The following CRPPA variants were observed in gnomAD, a reference collection of about 807,000 sequenced individuals.
CRPPA encodes the protein D-ribitol-5-phosphate cytidylyltransferase.
CRPPA carries 43 observed loss-of-function variants against 52.0 expected under a neutral mutation model. The observed-to-expected ratio is 0.83, with a 90% CI of 0.65 to 1.07. The LOEUF (loss-of-function observed/expected upper bound fraction) is 1.07, where lower values mean the gene tolerates loss of function less well. CRPPA is among the 50% of genes least tolerant of loss of function. The pLI is 0.00. For missense variants in CRPPA, 629 were observed against 551.7 expected, an observed-to-expected ratio of 1.14 and a Z score of -1.40; for synonymous variants, 250 against 203.5, an observed-to-expected ratio of 1.23 and a Z score of -1.94.
intron 1 of CRPPA, among the ~76,000 whole-genome samples, chr7:16,415,687 A>T (rs989023903): frequency 1.3e-5 from 2 of 152,158 alleles, no homozygotes; most frequent in African/African-American, 2.4e-5. Flanking sequence ...GGGTTCATTA[A>T]ATCTGATTAG....
At chr7:16,162,558 C>G (rs900463814) in intron 9 of CRPPA, among the ~76,000 whole-genome samples, 4 of 152,140 alleles carry the variant, frequency 2.6e-5, no homozygotes, top group Non-Finnish European at 5.9e-5. Context: ...GTTATGATTT[C>G]CATTCTTTTG....
At chr7:16,382,265 G>A (rs1787115012) in intron 2 of CRPPA, among the ~76,000 whole-genome samples, 1 of 152,150 alleles carries the variant, frequency 6.6e-6, no homozygotes, top group Admixed American at 6.5e-5. Flanking sequence ...TAGTTTAGCT[G>A]GATATGAAAT....
intron 3 of CRPPA, among the ~76,000 whole-genome samples, chr7:16,354,241 A>G (rs1215962592): frequency 1.3e-5 from 2 of 152,176 alleles, no homozygotes; most frequent in Non-Finnish European, 2.9e-5. Context: ...ATCTGTATTA[A>G]TAAAGCCATA....
chr7:16,089,274 ATATG>A lies in CRPPA; in HGVS notation c.*2417_*2420del, dbSNP rs1781766926. 2 of 365,632 alleles carry A rather than the reference ATATG, an allele frequency of 5.5e-6. No homozygotes were observed. The highest frequency in any genetic ancestry group is 1.1e-5 in the Non-Finnish European group (2 of 176,424). The allele number at this position is 365,632 out of a possible 1,614,324, so 22.6% of individuals were successfully genotyped here. A position where few individuals can be genotyped will look rare whatever the true frequency, so the allele number is the denominator to read the frequency against. On this transcript the variant is annotated 3_prime_UTR_variant, in exon 10 of 10. Coordinates refer to ENST00000407010, the MANE Select transcript of CRPPA (RefSeq NM_001101426.4). ...TGTGTGTATGCGTACGTATATACATATATGTGTGTATGCGTACGTATATACATAT... is the reference window on the plus strand; with the variant it reads ...TGTGTGTATGCGTACGTATATACATATGTGTATGCGTACGTATATACATAT...
intron 9 of CRPPA, among the ~76,000 whole-genome samples, chr7:16,183,096 T>G (rs989662532): frequency 6.6e-6 from 1 of 152,082 alleles, no homozygotes; most frequent in South Asian, 2.1e-4. Context: ...CCCAGGGAAC[T>G]GTAACTAAAT....
At chr7:16,217,167 C>T (rs1245806165) in intron 8 of CRPPA, among the ~76,000 whole-genome samples, 99 of 145,264 alleles carry the variant, frequency 6.8e-4, no homozygotes, top group African/African-American at 2.2e-3. Context: ...GGAGGCACCC[C>T]CCAGCAGGGG....
chr7:16,352,879 GCACACACACACACACA>G (rs56733439), intron 3 of CRPPA, among the ~76,000 whole-genome samples: 2,280 of 142,336 alleles, frequency 0.016, 32 homozygotes, highest in African/African-American at 0.039. Flanking sequence ...AAGTAACATG[GCACACACACACACACA>G]CACACACACA....
chr7:16,123,207 C>A (rs1420948571), intron 9 of CRPPA, among the ~76,000 whole-genome samples: 2 of 152,108 alleles, frequency 1.3e-5, no homozygotes, highest in African/African-American at 2.4e-5. Context: ...AATTTAAACA[C>A]CCTAAGACAT....
chr7:16,399,433 A>T (rs1046126780), intron 2 of CRPPA, among the ~76,000 whole-genome samples: 2 of 151,858 alleles, frequency 1.3e-5, no homozygotes, highest in Non-Finnish European at 2.9e-5. Context: ...AAGTGACAAG[A>T]TTGGCACATG....
chr7:16,104,085 T>A (rs1782101685), intron 9 of CRPPA, among the ~76,000 whole-genome samples: 1 of 152,202 alleles, frequency 6.6e-6, no homozygotes, highest in African/African-American at 2.4e-5. Flanking sequence ...GAATATTGGT[T>A]AATGGGTAGA....
intron 6 of CRPPA, among the ~76,000 whole-genome samples, chr7:16,259,873 C>A (rs1485134368): frequency 1.3e-5 from 2 of 151,864 alleles, no homozygotes; most frequent in Non-Finnish European, 2.9e-5. Flanking sequence ...TATTTAGTAG[C>A]TTAATTTGCT....
At chr7:16,392,540 G>A (rs923750014) in intron 2 of CRPPA, among the ~76,000 whole-genome samples, 29 of 152,154 alleles carry the variant, frequency 1.9e-4, no homozygotes, top group African/African-American at 6.7e-4. Flanking sequence ...GCTCTGAAAG[G>A]GTTCAGTTTT....
intron 9 of CRPPA, among the ~76,000 whole-genome samples, chr7:16,130,650 T>C (rs1782663817): frequency 6.6e-6 from 1 of 152,212 alleles, no homozygotes; most frequent in African/African-American, 2.4e-5. Context: ...AAGTAGTACA[T>C]TTATTTATGG....
At chr7:16,227,357 G>T (rs753127267) in intron 8 of CRPPA, among the ~76,000 whole-genome samples, 5 of 151,756 alleles carry the variant, frequency 3.3e-5, no homozygotes, top group Non-Finnish European at 5.9e-5. Flanking sequence ...CCACTAACAA[G>T]GGAATGTATG....
chr7:16,333,856 AT>A (rs1785615701), intron 3 of CRPPA, among the ~76,000 whole-genome samples: 1 of 152,174 alleles, frequency 6.6e-6, no homozygotes, highest in Admixed American at 6.5e-5. Flanking sequence ...AAAAGTCACA[AT>A]TGAACTGCTG....
chr7:16,169,128 A>G (rs186389755), intron 9 of CRPPA, among the ~76,000 whole-genome samples: 1 of 152,236 alleles, frequency 6.6e-6, no homozygotes, highest in African/African-American at 2.4e-5. Context: ...TAAATAAAAA[A>G]TATCATGGAA....
At chr7:16,410,077 A>C (rs142626037) in intron 1 of CRPPA, among the ~76,000 whole-genome samples, 3 of 152,368 alleles carry the variant, frequency 2.0e-5, no homozygotes, top group African/African-American at 7.2e-5. Context: ...TCTAAGAATG[A>C]AAACAGCATT....
intron 9 of CRPPA, among the ~76,000 whole-genome samples, chr7:16,163,977 C>A (rs140783077): frequency 0.022 from 3,341 of 152,134 alleles, 129 homozygotes; most frequent in African/African-American, 0.076. Context: ...ATGAATCTGA[C>A]AATTACGTGT....
chr7:16,093,420 G>A (rs1443079448), intron 9 of CRPPA, among the ~76,000 whole-genome samples: 1 of 152,012 alleles, frequency 6.6e-6, no homozygotes, highest in Non-Finnish European at 1.5e-5. Context: ...ACCATTACAT[G>A]CTCCCACCAC....
Sources: gnomAD v4.1 joint callset for allele counts (sites outside exome capture counted in the v4.1 genomes callset) on GRCh38, gnomAD v4.1.1 for gene constraint, MANE v1.5 for transcripts, NCBI Gene and HGNC (gene_info 2026-07-23, HGNC 2026-07-21) for gene names.